The following NIPAL2 variants were observed in gnomAD, a reference collection of about 807,000 sequenced individuals.
NIPAL2 encodes the protein NIPA like domain containing 2, also known as NIPA-like protein 2.
In NIPAL2, 43 loss-of-function variants were observed where a neutral mutation model predicts 48.9. That is an observed-to-expected ratio of 0.88 (90% CI 0.69 to 1.13). The LOEUF is 1.13. NIPAL2 is among the 50% of genes most tolerant of loss of function. The pLI is 0.00. For synonymous variants in NIPAL2, 167 were observed against 174.6 expected, an observed-to-expected ratio of 0.96 and a Z score of 0.34; for missense variants, 446 against 461.4, an observed-to-expected ratio of 0.97 and a Z score of 0.31.
intron 5 of NIPAL2, chr8:98,217,248 C>T: frequency 4.1e-6 from 4 of 985,452 alleles, no homozygotes; most frequent in Non-Finnish European, 4.8e-6. Context: ...TGTGAGGCTT[C>T]CATTTAATGT....
intron 1 of NIPAL2, among the ~76,000 whole-genome samples, chr8:98,280,761 T>TATATATATATATAGAGAGAGAGAGAGAG: frequency 1.2e-3 from 36 of 29,996 alleles, no homozygotes; most frequent in Non-Finnish European, 1.6e-3. Context: ...TATATATATA[T>TATATATATATATAGAGAGAGAGAGAGAG]AGAGAGAGAG....
At position 98,191,322 on chromosome 8, in the gene NIPAL2, G is replaced by A. The variant is rs1410706200; in HGVS notation, c.*1656C>T. 6.6e-6 allele frequency: 1 copy of A among 152,172 alleles called. No individual in the cohort carries two copies. Among genetic ancestry groups the A allele is most frequent in the Non-Finnish European group, 1.5e-5 (1 of 68,040 alleles). The allele number at this position is 152,172 out of a possible 1,614,324, so 9.4% of individuals were successfully genotyped here. ...TGAGCCTTGTAGGACCAATATGCTG[G>A]ACCAATTCGGTAAAATACACCATAA... On this transcript the variant is annotated 3_prime_UTR_variant, in exon 11 of 11. Transcript: ENST00000430223.
chr8:98,236,465 G>T (rs571805944), intron 3 of NIPAL2, among the ~76,000 whole-genome samples: 2 of 152,204 alleles, frequency 1.3e-5, no homozygotes, highest in Non-Finnish European at 2.9e-5. Context: ...ATAAAAGTTT[G>T]CTAAAAGACA....
At chr8:98,266,172 G>A (rs9694701) in intron 1 of NIPAL2, among the ~76,000 whole-genome samples, 121,272 of 142,064 alleles carry the variant, frequency 0.85, 52,004 homozygotes, top group Non-Finnish European at 0.88. Flanking sequence ...TGGGAGATAT[G>A]CCTAATGCTA....
intron 10 of NIPAL2, 36 bp downstream of exon 10, chr8:98,194,692 A>T (rs1194543304): frequency 4.2e-6 from 5 of 1,199,052 alleles, no homozygotes. Context: ...ATTTATAAGG[A>T]TCAAATTTTC....
At chr8:98,207,125 G>C (rs1434267816) in intron 6 of NIPAL2, among the ~76,000 whole-genome samples, 1 of 152,120 alleles carries the variant, frequency 6.6e-6, no homozygotes, top group Non-Finnish European at 1.5e-5. Flanking sequence ...TTTCCCAACG[G>C]GACAATTAAT....
chr8:98,286,963 C>T (rs766969167), intron 1 of NIPAL2, among the ~76,000 whole-genome samples: 7 of 152,140 alleles, frequency 4.6e-5, no homozygotes, highest in Non-Finnish European at 1.0e-4. Flanking sequence ...AGGCCTCATG[C>T]AATTAGGACG....
At chr8:98,200,432 G>A (rs927417703) in intron 8 of NIPAL2, among the ~76,000 whole-genome samples, 55 of 152,096 alleles carry the variant, frequency 3.6e-4, no homozygotes, top group African/African-American at 1.2e-3. Flanking sequence ...TGTTCTCAAG[G>A]TTCATCTATG....
chr8:98,282,510 C>T (rs1186387367), intron 1 of NIPAL2, among the ~76,000 whole-genome samples: 2 of 151,850 alleles, frequency 1.3e-5, no homozygotes, highest in Non-Finnish European at 2.9e-5. Context: ...AAACAGGGTC[C>T]TAAAGAAACA....
At chr8:98,267,528 C>T (rs1231312979) in intron 1 of NIPAL2, among the ~76,000 whole-genome samples, 1 of 152,038 alleles carries the variant, frequency 6.6e-6, no homozygotes, top group Non-Finnish European at 1.5e-5. Flanking sequence ...TTATGTTTCC[C>T]AGGCTGGTCT....
chr8:98,237,221 A>AT (rs375784909), intron 3 of NIPAL2, among the ~76,000 whole-genome samples: 4 of 151,468 alleles, frequency 2.6e-5, no homozygotes, highest in South Asian at 2.1e-4. Flanking sequence ...CTAATTAAAA[A>AT]TTTTTTTATT....
chr8:98,201,019 G>A (rs1300928332), intron 8 of NIPAL2, among the ~76,000 whole-genome samples: 2 of 152,136 alleles, frequency 1.3e-5, no homozygotes, highest in East Asian at 1.9e-4. Context: ...ATATTGTTAA[G>A]GCTTTTGATA....
intron 3 of NIPAL2, among the ~76,000 whole-genome samples, chr8:98,243,187 G>A (rs1813090420): frequency 6.6e-6 from 1 of 152,172 alleles, no homozygotes; most frequent in South Asian, 2.1e-4. Flanking sequence ...AAGCTTTTCA[G>A]CAGCAATTGC....
chr8:98,252,143 T>G (rs1036646518), intron 3 of NIPAL2: 1 of 220,866 alleles, frequency 4.5e-6, no homozygotes, highest in Non-Finnish European at 8.8e-6. Context: ...AATAAAACAT[T>G]GCATTACAAA....
chr8:98,291,515 C>A (rs907123914), intron 1 of NIPAL2, among the ~76,000 whole-genome samples: 2 of 152,214 alleles, frequency 1.3e-5, no homozygotes, highest in Non-Finnish European at 2.9e-5. Flanking sequence ...TTACAACATA[C>A]TGCCTTGTTT....
intron 1 of NIPAL2, among the ~76,000 whole-genome samples, chr8:98,278,508 C>A (rs1815612013): frequency 6.6e-6 from 1 of 152,168 alleles, no homozygotes; most frequent in Non-Finnish European, 1.5e-5. Context: ...GTACTGAATT[C>A]TGCATAATTT....
chr8:98,250,486 G>A (rs988006659), intron 3 of NIPAL2, among the ~76,000 whole-genome samples: 2 of 152,170 alleles, frequency 1.3e-5, no homozygotes, highest in African/African-American at 4.8e-5. Context: ...CTTAAATCCA[G>A]CTCAGGACTG....
intron 6 of NIPAL2, among the ~76,000 whole-genome samples, chr8:98,208,095 A>T (rs1167765470): frequency 6.6e-6 from 1 of 152,232 alleles, no homozygotes; most frequent in East Asian, 1.9e-4. Context: ...CCTTCCAGAG[A>T]GTACCAGTCA....
intron 2 of NIPAL2, 59 bp downstream of exon 2, chr8:98,253,960 G>C (rs1813737541): frequency 3.5e-6 from 4 of 1,145,546 alleles, no homozygotes; most frequent in Admixed American, 4.2e-5. Context: ...ATGCCCATGA[G>C]AGTCATAATG....
Sources: gnomAD v4.1 joint callset for allele counts (sites outside exome capture counted in the v4.1 genomes callset) on GRCh38, gnomAD v4.1.1 for gene constraint, MANE v1.5 for transcripts, NCBI Gene and HGNC (gene_info 2026-07-23, HGNC 2026-07-21) for gene names.